The following EDIL3 variants were observed in gnomAD, a reference collection of about 807,000 sequenced individuals.
The protein encoded by EDIL3 is EGF-like repeat and discoidin I-like domain-containing protein 3.
In EDIL3, 37 loss-of-function variants were observed where a neutral mutation model predicts 67.4. The observed-to-expected ratio is 0.55, with a 90% CI of 0.42 to 0.72. The LOEUF (loss-of-function observed/expected upper bound fraction) is 0.72, where lower values mean the gene tolerates loss of function less well. Among genes scored for constraint, EDIL3 ranks in the 30% least tolerant of loss-of-function variants. The pLI, the probability that EDIL3 is intolerant of heterozygous loss-of-function variation, is 0.00. For missense variants in EDIL3, 527 were observed against 586.3 expected, an observed-to-expected ratio of 0.90 and a Z score of 1.04; for synonymous variants, 195 against 196.3, an observed-to-expected ratio of 0.99 and a Z score of 0.05.
intron 6 of EDIL3, among the ~76,000 whole-genome samples, chr5:84,076,237 AG>A (rs1746854884): frequency 6.6e-6 from 1 of 152,148 alleles, no homozygotes; most frequent in Non-Finnish European, 1.5e-5. Flanking sequence ...GTTGCAATAT[AG>A]GAAGAAAATG....
chr5:84,158,694 A>G (rs539415219), intron 4 of EDIL3, among the ~76,000 whole-genome samples: 1 of 152,168 alleles, frequency 6.6e-6, no homozygotes, highest in South Asian at 2.1e-4. Context: ...AAGAACACAT[A>G]AATATAGAAA....
At chr5:84,370,274 CACAA>C (rs990717243) in intron 1 of EDIL3, among the ~76,000 whole-genome samples, 1 of 152,150 alleles carries the variant, frequency 6.6e-6, no homozygotes, top group Non-Finnish European at 1.5e-5. Context: ...ATTGTCATTA[CACAA>C]ACAACTCTAA....
intron 9 of EDIL3, among the ~76,000 whole-genome samples, chr5:84,013,433 T>G (rs960489841): frequency 6.6e-6 from 1 of 152,154 alleles, no homozygotes; most frequent in Non-Finnish European, 1.5e-5. Flanking sequence ...TATCTTATTA[T>G]GAAGACTGAA....
At chr5:84,149,863 T>TA (rs900399196) in intron 4 of EDIL3, among the ~76,000 whole-genome samples, 6 of 150,688 alleles carry the variant, frequency 4.0e-5, no homozygotes, top group Admixed American at 6.6e-5. Context: ...CATGCAAAAA[T>TA]AAAAAAAAAT....
At chr5:84,268,595 A>G (rs1745397340) in intron 1 of EDIL3, among the ~76,000 whole-genome samples, 1 of 152,208 alleles carries the variant, frequency 6.6e-6, no homozygotes, top group Non-Finnish European at 1.5e-5. Flanking sequence ...TGCTCTGTAC[A>G]TAAAGATTTT....
In EDIL3 at chr5:83,948,429, G is replaced by A. The variant is rs192649604; in HGVS notation, c.1294-4861C>T. On this transcript the variant is annotated intron_variant, in intron 10 of 10. Transcript: ENST00000296591. ...TGTAAAGTCTTATGAAAATTTTCAC[G>A]GAATTAGTATGCATGAATCACGTCA... 3.3e-5 allele frequency among the ~76,000 whole-genome samples: 5 copies of A among 151,630 alleles called. No individual in the cohort carries two copies. In the East Asian group the frequency reaches 7.8e-4, roughly 24 times the overall value.
At chr5:83,999,758 C>T (rs140850769) in intron 9 of EDIL3, among the ~76,000 whole-genome samples, 1 of 151,956 alleles carries the variant, frequency 6.6e-6, no homozygotes, top group African/African-American at 2.4e-5. Context: ...ACTTTCCAAA[C>T]CTAGAGAATG....
In EDIL3 at chr5:83,944,434, G is replaced by A. The variant is rs116880834; in HGVS notation, c.1294-866C>T. 6.7e-3 allele frequency among the ~76,000 whole-genome samples: 806 copies of A among 120,100 alleles called. 25 individuals are homozygous for A. In the East Asian group the frequency reaches 0.1, roughly 15 times the overall value. 78.8% of individuals were successfully genotyped at this position (120,100 alleles called of 152,430 possible). A position where few individuals can be genotyped will look rare whatever the true frequency, so the allele number is the denominator to read the frequency against. ...TTTTTTGGAGCTTTACTATTACTAT[G>A]GCCACTTGCTCTTCCCCAAAAGACT... On this transcript the variant is annotated intron_variant, in intron 10 of 10. Coordinates refer to ENST00000296591, the MANE Select transcript of EDIL3 (RefSeq NM_005711.5).
intron 9 of EDIL3, among the ~76,000 whole-genome samples, chr5:84,012,914 C>G (rs1193163739): frequency 3.3e-5 from 5 of 151,850 alleles, no homozygotes; most frequent in Admixed American, 6.6e-5. Context: ...TATATAAAAT[C>G]TATTAGGTAT....
At chr5:83,943,675 ATTCATT>A (rs1744264482) in intron 10 of EDIL3, 107 bp from the exon 11 acceptor site, 2 of 1,300,918 alleles carry the variant, frequency 1.5e-6, no homozygotes, top group Non-Finnish European at 2.1e-6. Flanking sequence ...TTTGATAACT[ATTCATT>A]TTCTTTTCTT....
intron 1 of EDIL3, among the ~76,000 whole-genome samples, chr5:84,331,111 G>C (rs1478918209): frequency 6.6e-6 from 1 of 152,194 alleles, no homozygotes; most frequent in African/African-American, 2.4e-5. Flanking sequence ...CCAAATGCCT[G>C]TGCCCCCATT....
intron 3 of EDIL3, among the ~76,000 whole-genome samples, chr5:84,219,430 A>G (rs1338160037): frequency 6.6e-6 from 1 of 152,186 alleles, no homozygotes; most frequent in Non-Finnish European, 1.5e-5. Flanking sequence ...GCAAATCAAA[A>G]TTACAAAATA....
intron 9 of EDIL3, among the ~76,000 whole-genome samples, chr5:83,975,212 C>T (rs1184040094): frequency 6.6e-6 from 1 of 151,966 alleles, no homozygotes; most frequent in African/African-American, 2.4e-5. Context: ...AAATGGCCTA[C>T]ATTTAAGGGA....
intron 10 of EDIL3, among the ~76,000 whole-genome samples, chr5:83,949,405 C>G (rs1744368373): frequency 6.6e-6 from 1 of 151,770 alleles, no homozygotes; most frequent in African/African-American, 2.4e-5. Flanking sequence ...TTACATGTCC[C>G]AGTTTGTGAA....
intron 8 of EDIL3, 23 bp downstream of exon 8, chr5:84,064,677 G>T (rs754847443): frequency 1.2e-6 from 2 of 1,604,902 alleles, no homozygotes; most frequent in Non-Finnish European, 1.7e-6. Flanking sequence ...ATAGAATACA[G>T]AAATAGTTAA....
intron 4 of EDIL3, among the ~76,000 whole-genome samples, chr5:84,164,906 T>C (rs1748677896): frequency 6.6e-6 from 1 of 151,996 alleles, no homozygotes; most frequent in Non-Finnish European, 1.5e-5. Context: ...GGAGCGTTTT[T>C]GGAGGATCTG....
chr5:83,960,772 T>C (rs760416051), intron 10 of EDIL3, among the ~76,000 whole-genome samples: 1 of 150,906 alleles, frequency 6.6e-6, no homozygotes, highest in Non-Finnish European at 1.5e-5. Flanking sequence ...CACTGAAAAT[T>C]TGATTAATCT....
At chr5:84,066,727 A>C (rs2112241748) in intron 6 of EDIL3, 121 bp from the exon 7 acceptor site, 1 of 1,261,576 alleles carries the variant, frequency 7.9e-7, no homozygotes, top group Non-Finnish European at 1.1e-6. Context: ...AAAGCTAATA[A>C]TTTTCATGGA....
rs757647402 is a variant in EDIL3, at chr5:83,943,540, G to A, written c.1322C>T (p.Thr441Ile). The change falls in exon 11 of 11, where the codon ACT (threonine) becomes ATT (isoleucine). Residue 441 changes from threonine (T) to isoleucine (I), a missense_variant. This residue lies in a region of EDIL3 where 33 missense variants were observed against 63.7 expected (regional missense o/e 0.52). Transcript: ENST00000296591. ...KVFQGNFDND[T>I]HRKNVIDPPI... ...AGGGTCGATGACATTTTTTCTGTGA[G>A]TGTCATTGTCAAAATTTCCCTGGAA... 2 of 1,612,210 alleles carry A rather than the reference G, an allele frequency of 1.2e-6. No individual in the cohort carries two copies. The highest frequency in any genetic ancestry group is 1.7e-6 in the Non-Finnish European group (2 of 1,178,976).
Sources: gnomAD v4.1 joint callset for allele counts (sites outside exome capture counted in the v4.1 genomes callset) on GRCh38, gnomAD v4.1.1 for gene constraint, gnomAD v4.1.1 regional missense constraint, MANE v1.5 for transcripts, NCBI Gene and HGNC (gene_info 2026-07-23, HGNC 2026-07-21) for gene names.